The following CCDC171 variants were observed in gnomAD, a reference collection of about 807,000 sequenced individuals.
CCDC171 encodes coiled-coil domain containing 171, also known as coiled-coil domain-containing protein 171.
In CCDC171, 177 loss-of-function variants were observed where a neutral mutation model predicts 168.2. That is an observed-to-expected ratio of 1.05 (90% confidence interval 0.93 to 1.19). The LOEUF is 1.19. Ranked by LOEUF, CCDC171 falls within the 50% of genes most tolerant of loss-of-function variation. The pLI, the probability that CCDC171 is intolerant of heterozygous loss-of-function variation, is 0.00. For missense variants in CCDC171, 1,991 were observed against 1,539.0 expected (o/e 1.29, Z -4.91); for synonymous variants, 687 against 540.8 (o/e 1.27, Z -3.75).
intron 8 of CCDC171, among the ~76,000 whole-genome samples, chr9:15,665,369 A>T (rs1483904443): frequency 6.6e-6 from 1 of 152,230 alleles, no homozygotes; most frequent in African/African-American, 2.4e-5. Flanking sequence ...CAATAAGAAG[A>T]TCACTTTTCT....
At chr9:16,062,824 T>C (rs1454352525), downstream of CCDC171, among the ~76,000 whole-genome samples, 4 of 152,222 alleles carry the variant, frequency 2.6e-5, no homozygotes, top group Admixed American at 2.6e-4. Context: ...GAATTAATTG[T>C]ACTTGGAGAT....
chr9:15,715,368 T>C (rs529733474), intron 11 of CCDC171, among the ~76,000 whole-genome samples: 51 of 152,334 alleles, frequency 3.3e-4, no homozygotes, highest in Non-Finnish European at 6.0e-4. Flanking sequence ...TAAGACAATA[T>C]ACAGTGTTGT....
chr9:15,613,784 A>C (rs1392857166), intron 6 of CCDC171, among the ~76,000 whole-genome samples: 1 of 152,050 alleles, frequency 6.6e-6, no homozygotes, highest in East Asian at 1.9e-4. Context: ...CGGCCTCCCA[A>C]AGTGCGGGGA....
chr9:16,013,069 A>T (rs1474296527), intron 3 of CCDC171, among the ~76,000 whole-genome samples: 2 of 152,158 alleles, frequency 1.3e-5, no homozygotes, highest in Non-Finnish European at 2.9e-5. Context: ...TTTCCCACTC[A>T]AAATGTCCCC....
intron 1 of CCDC171, chr9:16,060,563 G>T (rs1191461927): frequency 6.6e-6 from 1 of 152,260 alleles, no homozygotes; most frequent in African/African-American, 2.4e-5. Context: ...CTCTGTGGAT[G>T]ACATAGCCTG....
At chr9:15,894,694 C>A (rs914593978) in intron 24 of CCDC171, among the ~76,000 whole-genome samples, 3 of 152,142 alleles carry the variant, frequency 2.0e-5, no homozygotes, top group African/African-American at 7.2e-5. Flanking sequence ...TTGGTGGTCC[C>A]TTTACTTGGT....
chr9:15,820,888 G>A (rs573427847), intron 21 of CCDC171, among the ~76,000 whole-genome samples: 1 of 116,682 alleles, frequency 8.6e-6, no homozygotes, highest in South Asian at 2.8e-4. Context: ...AACAAAAAAA[G>A]AGAATTTTAG....
At chr9:15,887,780 T>G (rs770209) in intron 24 of CCDC171, 17 of 151,372 alleles carry the variant, frequency 1.1e-4, no homozygotes, top group African/African-American at 3.9e-4. Flanking sequence ...AAGTACCCTT[T>G]AAAAAAAAAC....
At chr9:15,569,846 C>CAAAACA (rs1563957637) in intron 2 of CCDC171, among the ~76,000 whole-genome samples, 1 of 139,726 alleles carries the variant, frequency 7.2e-6, no homozygotes, top group African/African-American at 2.7e-5. Flanking sequence ...AACAAACAAA[C>CAAAACA]AAAAAAAAAA....
At chr9:16,025,571 A>C (rs190590948) in intron 6 of CCDC171, among the ~76,000 whole-genome samples, 10 of 152,342 alleles carry the variant, frequency 6.6e-5, no homozygotes, top group Non-Finnish European at 1.5e-4. Flanking sequence ...GAATAAACAA[A>C]ATGTACTTTA....
Position 15,917,892 on chromosome 9 carries a change from A to G in CCDC171, c.3601-2378A>G, listed in dbSNP as rs563789011. ...TTTATACATTTTAGGTCCTTAGACA[A>G]TAAAAGTATATATCTAAGAACCACA... On this transcript the variant is annotated intron_variant, in intron 24 of 25. Coordinates refer to ENST00000380701, the MANE Select transcript of CCDC171 (RefSeq NM_173550.4). 2.6e-5 allele frequency among the ~76,000 whole-genome samples: 4 copies of G among 151,870 alleles called. No individual in the cohort carries two copies. In the South Asian group the frequency reaches 8.3e-4, roughly 31 times the overall value.
chr9:15,889,488 T>A (rs1819906726), intron 24 of CCDC171, among the ~76,000 whole-genome samples: 1 of 152,202 alleles, frequency 6.6e-6, no homozygotes, highest in Non-Finnish European at 1.5e-5. Context: ...GCATCTTGTT[T>A]TGAGTCATAA....
At chr9:15,793,395 G>T (rs573457652) in intron 21 of CCDC171, among the ~76,000 whole-genome samples, 1 of 151,984 alleles carries the variant, frequency 6.6e-6, no homozygotes, top group African/African-American at 2.4e-5. Context: ...ACACCCCACT[G>T]TCAGCATTAG....
intron 24 of CCDC171, among the ~76,000 whole-genome samples, chr9:15,882,898 G>T (rs888340741): frequency 1.3e-5 from 2 of 150,756 alleles, no homozygotes; most frequent in Non-Finnish European, 3.0e-5. Flanking sequence ...GGATGCATCA[G>T]ATTTTTAGGA....
chr9:15,676,567 A>G (rs1157788968), intron 9 of CCDC171, among the ~76,000 whole-genome samples: 1 of 152,000 alleles, frequency 6.6e-6, no homozygotes, highest in Non-Finnish European at 1.5e-5. Flanking sequence ...TTCCCTGTAC[A>G]CAGTCACCCA....
intron 2 of CCDC171, 148 bp from the exon 3 acceptor site, chr9:15,571,476 A>G: frequency 1.8e-6 from 1 of 544,296 alleles, no homozygotes; most frequent in Non-Finnish European, 3.1e-6. Flanking sequence ...TTTGCAGTGG[A>G]CATCTTTTAC....
the CCDC171 span, among the ~76,000 whole-genome samples, chr9:16,078,127 G>T: frequency 6.6e-6 from 1 of 151,340 alleles, no homozygotes; most frequent in Non-Finnish European, 1.5e-5. Flanking sequence ...ATGTTAATTG[G>T]CTTGATTGCG....
In CCDC171 at chr9:16,059,242, C is replaced by T. The variant is rs188527279; in HGVS notation, n.90-1404C>T. ...GCTCATGAGGTACATCAGGCAGGTG[C>T]GAATGTTTCTGTTTTACACTTAAAG... On this transcript the variant is annotated intron_variant and non_coding_transcript_variant, in intron 1 of 1. Coordinates refer to the CCDC171 transcript ENST00000478913. 2.6e-5 allele frequency among the ~76,000 whole-genome samples: 4 copies of T among 152,276 alleles called. No individual in the cohort carries two copies. In the East Asian group the frequency reaches 5.8e-4, roughly 22 times the overall value.
At chr9:15,782,340 CT>C (rs1274403476) in intron 20 of CCDC171, among the ~76,000 whole-genome samples, 9 of 152,222 alleles carry the variant, frequency 5.9e-5, no homozygotes, top group Admixed American at 2.6e-4. Flanking sequence ...GCTCCTTACA[CT>C]TGCTTTCACA....
Sources: gnomAD v4.1 joint callset for allele counts (sites outside exome capture counted in the v4.1 genomes callset) on GRCh38, gnomAD v4.1.1 for gene constraint, MANE v1.5 for transcripts, NCBI Gene and HGNC (gene_info 2026-07-23, HGNC 2026-07-21) for gene names.